STRBP: variants seen among roughly 807,000 people sequenced by gnomAD.
The protein encoded by STRBP is spermatid perinuclear RNA binding protein.
In STRBP, 13 loss-of-function variants were observed where a neutral mutation model predicts 80.1. The observed-to-expected ratio is 0.16, with a 90% CI of 0.11 to 0.26. STRBP has a LOEUF of 0.26. Among genes scored for constraint, STRBP ranks in the 10% least tolerant of loss-of-function variants. The pLI is 1.00. For missense variants in STRBP, 485 were observed against 815.2 expected, an observed-to-expected ratio of 0.59 and a Z score of 4.93; for synonymous variants, 284 against 291.2, an observed-to-expected ratio of 0.98 and a Z score of 0.25.
In STRBP at chr9:123,123,246, T is replaced by A; in HGVS notation, c.*2351A>T. 1 of 985,384 alleles carries A rather than the reference T, an allele frequency of 1.0e-6. No individual in the cohort carries two copies. Among genetic ancestry groups the A allele is most frequent in the Non-Finnish European group, 1.2e-6 (1 of 829,912 alleles). 61.0% of individuals were successfully genotyped at this position (985,384 alleles called of 1,614,324 possible). A position where few individuals can be genotyped will look rare whatever the true frequency, so the allele number is the denominator to read the frequency against. On this transcript the variant is annotated 3_prime_UTR_variant, in exon 19 of 19. Transcript: ENST00000348403. ...GGAGAAAAGAGCAGAGAAGCAAAACTTCATGTTAATCTCAGGCAATTTGGT... is the reference window on the plus strand; with the variant it reads ...GGAGAAAAGAGCAGAGAAGCAAAACATCATGTTAATCTCAGGCAATTTGGT...
intron 11 of STRBP, among the ~76,000 whole-genome samples, chr9:123,149,199 T>C (rs1588487075): frequency 6.6e-6 from 1 of 152,346 alleles, no homozygotes; most frequent in Middle Eastern, 3.4e-3. Context: ...TCAAGATTTA[T>C]TGTCCCTTGA....
At chr9:123,204,657 C>G (rs1381800179) in intron 2 of STRBP, among the ~76,000 whole-genome samples, 1 of 152,148 alleles carries the variant, frequency 6.6e-6, no homozygotes, top group Non-Finnish European at 1.5e-5. Context: ...GTGGCTCACA[C>G]CTGTAATCCC....
Position 123,123,781 on chromosome 9 carries a change from T to G in STRBP, c.*1816A>C, listed in dbSNP as rs989728134. On this transcript the variant is annotated 3_prime_UTR_variant, in exon 19 of 19. Transcript: ENST00000348403. ...GTATTCCAAAGACAATGAGGACTAC[T>G]GTAAAGATTTAATTAATAAAAACTG... The G allele has an allele frequency of 4.1e-6, 4 of 985,286 alleles. No homozygotes were observed. The highest frequency in any genetic ancestry group is 4.8e-6 in the Non-Finnish European group (4 of 829,926). 61.0% of individuals were successfully genotyped at this position (985,286 alleles called of 1,614,324 possible).
intron 2 of STRBP, among the ~76,000 whole-genome samples, chr9:123,184,827 C>T (rs1004194706): frequency 1.3e-5 from 2 of 152,094 alleles, no homozygotes; most frequent in African/African-American, 2.4e-5. Flanking sequence ...TTTGGCTCTA[C>T]TTCCTAACTC....
intron 3 of STRBP, among the ~76,000 whole-genome samples, chr9:123,180,533 A>C (rs1588054456): frequency 6.6e-6 from 1 of 152,316 alleles, no homozygotes; most frequent in East Asian, 1.9e-4. Context: ...TCTCAACAAA[A>C]ATCATTTTAA....
chr9:123,259,903 A>G (rs2041124388), intron 1 of STRBP, among the ~76,000 whole-genome samples: 1 of 152,252 alleles, frequency 6.6e-6, no homozygotes, highest in Non-Finnish European at 1.5e-5. Context: ...TGCCAAACAC[A>G]GCTAATAGGT....
chr9:123,202,744 T>C (rs1259495611), intron 2 of STRBP, among the ~76,000 whole-genome samples: 2 of 152,224 alleles, frequency 1.3e-5, no homozygotes, highest in Admixed American at 6.5e-5. Context: ...CTTAAAGTGA[T>C]AGATGCCCCA....
chr9:123,125,398 C>T lies in STRBP; in HGVS notation c.*199G>A. 1 of 1,235,764 alleles carries T rather than the reference C, an allele frequency of 8.1e-7. No homozygotes were observed. The allele number at this position is 1,235,764 out of a possible 1,614,324, so 76.5% of individuals were successfully genotyped here. A position where few individuals can be genotyped will look rare whatever the true frequency, so the allele number is the denominator to read the frequency against. ...TTCCAGAAATGAGGTACCGTTTTCA[C>T]AGAACTGGTTTCTTTTTTTTTTTTC... On this transcript the variant is annotated 3_prime_UTR_variant, in exon 19 of 19. Coordinates refer to ENST00000348403, the MANE Select transcript of STRBP (RefSeq NM_018387.5).
intron 2 of STRBP, chr9:123,213,877 G>A (rs1303092806): frequency 6.7e-6 from 1 of 149,420 alleles, no homozygotes; most frequent in Non-Finnish European, 1.5e-5. Context: ...AGCCGAGATT[G>A]CGCCACTGTA....
chr9:123,139,504 T>A (rs1360275261), intron 14 of STRBP, 25 bp downstream of exon 14: 2 of 1,537,726 alleles, frequency 1.3e-6, no homozygotes, highest in East Asian at 2.3e-5. Flanking sequence ...ATGTTATTTT[T>A]TTTCTGAGAA....
intron 2 of STRBP, among the ~76,000 whole-genome samples, chr9:123,206,688 G>A (rs1246989524): frequency 1.3e-5 from 2 of 151,644 alleles, no homozygotes; most frequent in Admixed American, 6.6e-5. Flanking sequence ...GCCCAGGCTG[G>A]AGTGCAATAG....
Position 123,115,311 on chromosome 9 carries a change from C to G in STRBP, c.*84+618G>C, listed in dbSNP as rs2035628776. 2.1e-6 allele frequency: 1 copy of G among 471,046 alleles called. No homozygotes were observed. Among genetic ancestry groups the G allele is most frequent in the African/African-American group, 2.0e-5 (1 of 50,090 alleles). 29.2% of individuals were successfully genotyped at this position (471,046 alleles called of 1,614,324 possible). On this transcript the variant is annotated intron_variant and NMD_transcript_variant, in intron 3 of 3. Transcript: ENST00000471564. This position sits in a 1 kb window ranked among gnomAD's most constrained non-coding sequence, Gnocchi z 5.0. ...TAAATTACTCAGTAAGCACTTCTCT[C>G]CTGAGGCCTGGCTCCTCTCCTGCCC...
At chr9:123,243,157 T>A (rs760383956) in intron 1 of STRBP, among the ~76,000 whole-genome samples, 4 of 145,272 alleles carry the variant, frequency 2.8e-5, no homozygotes, top group Non-Finnish European at 4.5e-5. Flanking sequence ...CAAAAACAGA[T>A]CCACACAAAC....
chr9:123,132,049 G>T (rs1334136673), intron 17 of STRBP, among the ~76,000 whole-genome samples: 1 of 152,196 alleles, frequency 6.6e-6, no homozygotes, highest in Non-Finnish European at 1.5e-5. Context: ...AAGACAGCTG[G>T]ATAATCTACT....
rs965775162 is a variant in STRBP, at chr9:123,230,957, C to G, written c.-165+5873G>C. 3.3e-5 allele frequency among the ~76,000 whole-genome samples: 5 copies of G among 152,152 alleles called. No individual in the cohort carries two copies. In the East Asian group the frequency reaches 9.6e-4, roughly 29 times the overall value. ...GTTAAACCTATATTGAGTTCTAAAG[C>G]AATTACAAAATCCTCTTTGCAGAAC... On this transcript the variant is annotated intron_variant, in intron 2 of 18. Coordinates refer to ENST00000348403, the MANE Select transcript of STRBP (RefSeq NM_018387.5).
chr9:123,165,445 G>A (rs143856995), intron 6 of STRBP, among the ~76,000 whole-genome samples: 47 of 152,194 alleles, frequency 3.1e-4, no homozygotes, highest in African/African-American at 8.4e-4. Context: ...CAAGAAGGGC[G>A]AGTTCACACT....
intron 1 of STRBP, among the ~76,000 whole-genome samples, chr9:123,243,163 C>A (rs1282636998): frequency 4.8e-5 from 7 of 146,660 alleles, no homozygotes; most frequent in Non-Finnish European, 1.0e-4. Context: ...CAGATCCACA[C>A]AAACATGTCC....
At chr9:123,248,192 T>C (rs2040836645) in intron 1 of STRBP, among the ~76,000 whole-genome samples, 1 of 152,010 alleles carries the variant, frequency 6.6e-6, no homozygotes, top group Admixed American at 6.6e-5. Flanking sequence ...CTATGTGATC[T>C]TGGCATATTT....
intron 2 of STRBP, among the ~76,000 whole-genome samples, chr9:123,202,266 C>T (rs1342496323): frequency 1.3e-5 from 2 of 152,068 alleles, no homozygotes; most frequent in Non-Finnish European, 2.9e-5. Flanking sequence ...CATGTTGTTA[C>T]CTAGTTTGTT....
Sources: gnomAD v4.1 joint callset for allele counts (sites outside exome capture counted in the v4.1 genomes callset) on GRCh38, gnomAD v4.1.1 for gene constraint, Gnocchi (gnomAD v3.1) non-coding constraint, MANE v1.5 for transcripts, NCBI Gene and HGNC (gene_info 2026-07-23, HGNC 2026-07-21) for gene names.